NBAS: variants seen among roughly 807,000 people sequenced by gnomAD.
NBAS encodes NBAS subunit of NRZ tethering complex, also known as NAG/BC035112 fusion.
NBAS carries 219 observed loss-of-function variants against 302.5 expected under a neutral mutation model. The observed-to-expected ratio is 0.72, with a 90% CI of 0.65 to 0.81. The LOEUF (loss-of-function observed/expected upper bound fraction) is 0.81. Among genes scored for constraint, NBAS ranks in the 30% least tolerant of loss-of-function variants. The probability of loss-of-function intolerance (pLI) is 0.00; values close to 1 mark genes in which losing one functional copy is unlikely to be tolerated. For synonymous variants in NBAS, 1,118 were observed against 1,021.6 expected (o/e 1.09, Z -1.80); for missense variants, 2,932 against 2,841.6 (o/e 1.03, Z -0.72).
chr2:15,360,347 C>CAAAAAAAAAAAAAAAAAAAAAAAA, intron 32 of NBAS, among the ~76,000 whole-genome samples: 1 of 42,244 alleles, frequency 2.4e-5, no homozygotes, highest in Non-Finnish European at 9.9e-5. Context: ...AAAAAAAAAA[C>CAAAAAAAAAAAAAAAAAAAAAAAA]AAAACAAAAC....
At chr2:15,520,808 T>C (rs1662632949) in intron 9 of NBAS, among the ~76,000 whole-genome samples, 2 of 152,250 alleles carry the variant, frequency 1.3e-5, no homozygotes, top group South Asian at 4.1e-4. Context: ...CAGGCCAAAG[T>C]TTGCCAGAGA....
At chr2:15,400,769 T>G (rs1224922190) in intron 26 of NBAS, among the ~76,000 whole-genome samples, 1 of 152,188 alleles carries the variant, frequency 6.6e-6, no homozygotes, top group Non-Finnish European at 1.5e-5. Flanking sequence ...CTCCTTTATT[T>G]TAGAAAAGTG....
At chr2:15,039,651 C>T in the NBAS span, among the ~76,000 whole-genome samples, 4 of 152,140 alleles carry the variant, frequency 2.6e-5, no homozygotes, top group Admixed American at 6.5e-5. Flanking sequence ...ACAAATCCTC[C>T]GAAGTACAGA....
intron 48 of NBAS, among the ~76,000 whole-genome samples, chr2:15,196,116 T>C (rs1364583958): frequency 3.3e-5 from 5 of 152,224 alleles, no homozygotes; most frequent in Non-Finnish European, 7.3e-5. Context: ...ATACTCTCAC[T>C]CACACTCAAA....
intron 50 of NBAS, among the ~76,000 whole-genome samples, chr2:15,181,421 C>T (rs1572406315): frequency 1.3e-5 from 2 of 152,214 alleles, no homozygotes; most frequent in East Asian, 3.8e-4. Flanking sequence ...TGGCCAAATA[C>T]TTACTCTATC....
At chr2:14,923,800 G>A in the NBAS span, among the ~76,000 whole-genome samples, 2 of 152,170 alleles carry the variant, frequency 1.3e-5, no homozygotes, top group African/African-American at 4.8e-5. Context: ...GAAGAGGGCA[G>A]GGTGAATGGA....
At chr2:15,084,766 G>T in the NBAS span, among the ~76,000 whole-genome samples, 1 of 152,118 alleles carries the variant, frequency 6.6e-6, no homozygotes, top group Admixed American at 6.5e-5. Context: ...AAAGGTCTGA[G>T]AAGTTGGTTC....
chr2:15,098,544 TATA>T, the NBAS span, among the ~76,000 whole-genome samples: 52 of 113,410 alleles, frequency 4.6e-4, no homozygotes, highest in African/African-American at 1.0e-3. Flanking sequence ...ATGTATTGTA[TATA>T]ATATGTTATA....
chr2:15,037,235 T>C, the NBAS span, among the ~76,000 whole-genome samples: 3 of 152,166 alleles, frequency 2.0e-5, no homozygotes, highest in Admixed American at 2.0e-4. Flanking sequence ...GAGCCTGCAT[T>C]CTAAAAGGCT....
chr2:15,369,081 A>G (rs1674360734), intron 31 of NBAS, among the ~76,000 whole-genome samples: 1 of 152,188 alleles, frequency 6.6e-6, no homozygotes, highest in Non-Finnish European at 1.5e-5. Context: ...ATTCAGTAAC[A>G]TATGATAATT....
chr2:15,363,034 G>A (rs1291301377), intron 32 of NBAS, among the ~76,000 whole-genome samples: 1 of 152,076 alleles, frequency 6.6e-6, no homozygotes, highest in African/African-American at 2.4e-5. Context: ...ACCAGCATGG[G>A]CAACATAGTG....
chr2:14,950,281 T>C, the NBAS span, among the ~76,000 whole-genome samples: 2 of 152,226 alleles, frequency 1.3e-5, no homozygotes, highest in African/African-American at 2.4e-5. Flanking sequence ...TTTCCATTCC[T>C]GAGTTACTTC....
At chr2:15,132,969 A>G in the NBAS span, among the ~76,000 whole-genome samples, 1 of 152,354 alleles carries the variant, frequency 6.6e-6, no homozygotes, top group South Asian at 2.1e-4. Flanking sequence ...TATTTTCTAA[A>G]TCATGTACAA....
chr2:14,939,251 T>C, the NBAS span, among the ~76,000 whole-genome samples: 2 of 152,274 alleles, frequency 1.3e-5, 1 homozygote, highest in Non-Finnish European at 2.9e-5. Context: ...CTATTACATG[T>C]AGCTTCTGTT....
At chr2:15,442,554 A>C (rs1678484871) in intron 21 of NBAS, among the ~76,000 whole-genome samples, 1 of 152,060 alleles carries the variant, frequency 6.6e-6, no homozygotes, top group Non-Finnish European at 1.5e-5. Flanking sequence ...AAAGCAGGAA[A>C]GATCCCAAAT....
the NBAS span, among the ~76,000 whole-genome samples, chr2:15,122,944 T>TAGGA: frequency 0.14 from 20,609 of 152,024 alleles, 2,620 homozygotes; most frequent in African/African-American, 0.32. Context: ...TGTGGTGTGG[T>TAGGA]AGGACTCACA....
rs796605503 is a variant in NBAS, at chr2:15,189,446, G to A, written c.6572+818C>T. ...CGTGGAGATGTTCACTGGCCTGTGG[G>A]GGCAGTATGTCAGCTGAGCATGGGG... is the stretch of plus-strand genomic sequence containing the variant. On this transcript the variant is annotated intron_variant, in intron 49 of 51. Coordinates refer to ENST00000281513, the MANE Select transcript of NBAS (RefSeq NM_015909.4). 1.7e-4 allele frequency among the ~76,000 whole-genome samples: 26 copies of A among 152,206 alleles called. 2 individuals are homozygous for A. The highest frequency in any genetic ancestry group is 6.3e-4 in the African/African-American group (26 of 41,540).
At chr2:14,854,037 C>T in the NBAS span, among the ~76,000 whole-genome samples, 1 of 145,840 alleles carries the variant, frequency 6.9e-6, no homozygotes, top group Non-Finnish European at 1.5e-5. Context: ...CTAACCTGCA[C>T]AATGTGCACA....
intron 38 of NBAS, among the ~76,000 whole-genome samples, chr2:15,313,804 G>A (rs1490766950): frequency 2.6e-5 from 4 of 152,180 alleles, no homozygotes; most frequent in Non-Finnish European, 4.4e-5. Context: ...GCTGGAGAAT[G>A]TGCAAAATTA....
Sources: gnomAD v4.1 joint callset for allele counts (sites outside exome capture counted in the v4.1 genomes callset) on GRCh38, gnomAD v4.1.1 for gene constraint, MANE v1.5 for transcripts, NCBI Gene and HGNC (gene_info 2026-07-23, HGNC 2026-07-21) for gene names.